Variants in PRKCH observed in about 807,000 individuals in gnomAD.
PRKCH encodes protein kinase C eta.
A neutral mutation model predicts 82.5 loss-of-function variants in PRKCH; 28 were observed. That is an observed-to-expected ratio of 0.34 (90% CI 0.25 to 0.47). The LOEUF is 0.47. Among genes scored for constraint, PRKCH ranks in the 20% least tolerant of loss-of-function variants. The pLI, the probability that PRKCH is intolerant of heterozygous loss-of-function variation, is 1.00. For missense variants in PRKCH, 705 were observed against 881.8 expected, an observed-to-expected ratio of 0.80 and a Z score of 2.54; for synonymous variants, 322 against 327.4, an observed-to-expected ratio of 0.98 and a Z score of 0.18.
chr14:61,485,860 C>T (rs1886196422), intron 10 of PRKCH, among the ~76,000 whole-genome samples: 1 of 152,232 alleles, frequency 6.6e-6, no homozygotes, highest in Non-Finnish European at 1.5e-5. Context: ...TGGCTCACTG[C>T]AGCCGGTCCA....
Position 61,191,126 on chromosome 14 carries a change from A to G in PRKCH, c.-19+3458A>G, listed in dbSNP as rs549132561. Among the ~76,000 whole-genome samples, 105 of 152,358 alleles carry G rather than the reference A, an allele frequency of 6.9e-4. No homozygotes were observed. The South Asian group carries it at 7.3e-3, about 11-fold the overall frequency. On this transcript the variant is annotated intron_variant, in intron 1 of 3. Transcript: ENST00000555185. ...GCCTGTGGTCAGGACTTGGGTGAAT[A>G]TAATTCTGCACAAAAGAGAGAAAAT...
At chr14:61,252,089 C>T (rs1377879453) in intron 1 of PRKCH, among the ~76,000 whole-genome samples, 4 of 152,184 alleles carry the variant, frequency 2.6e-5, no homozygotes, top group Non-Finnish European at 5.9e-5. Context: ...CTGCCTGCCT[C>T]AGCCTCCCAA....
intron 1 of PRKCH, among the ~76,000 whole-genome samples, chr14:61,351,726 A>G (rs2046077595): frequency 6.6e-6 from 1 of 152,154 alleles, no homozygotes; most frequent in Non-Finnish European, 1.5e-5. Flanking sequence ...CAAAAAGACA[A>G]GATTAGTCAG....
intron 1 of PRKCH, among the ~76,000 whole-genome samples, chr14:61,326,171 T>C (rs546862105): frequency 1.3e-5 from 2 of 152,334 alleles, no homozygotes; most frequent in East Asian, 3.9e-4. Flanking sequence ...TTATTTGTAA[T>C]AACCCCCAAA....
intron 1 of PRKCH, among the ~76,000 whole-genome samples, chr14:61,329,757 C>G (rs1051527402): frequency 6.6e-6 from 1 of 152,166 alleles, no homozygotes; most frequent in Non-Finnish European, 1.5e-5. Flanking sequence ...TGGGTTTGGT[C>G]CTCCTCCTAG....
chr14:61,231,918 C>T (rs2044748078), intron 1 of PRKCH, among the ~76,000 whole-genome samples: 1 of 152,184 alleles, frequency 6.6e-6, no homozygotes, highest in African/African-American at 2.4e-5. Flanking sequence ...TTTCCCCACA[C>T]ACCAAGCAAG....
chr14:61,249,133 A>G (rs2044916402), intron 1 of PRKCH, among the ~76,000 whole-genome samples: 1 of 152,270 alleles, frequency 6.6e-6, no homozygotes, highest in South Asian at 2.1e-4. Context: ...ACAACAAGCA[A>G]CTGGAAACCC....
chr14:61,297,052 TTTATTA>T (rs141807773), intron 1 of PRKCH, among the ~76,000 whole-genome samples: 6,492 of 152,248 alleles, frequency 0.043, 214 homozygotes, highest in East Asian at 0.13. Flanking sequence ...ATTTTACTAT[TTTATTA>T]TTATTTCAGT....
chr14:61,293,858 CT>C (rs2045384240), intron 1 of PRKCH, among the ~76,000 whole-genome samples: 1 of 152,158 alleles, frequency 6.6e-6, no homozygotes. Context: ...GCCCCAGAAT[CT>C]GTCTATTAAC....
intron 12 of PRKCH, among the ~76,000 whole-genome samples, chr14:61,536,748 A>G (rs2043115019): frequency 6.6e-6 from 1 of 152,098 alleles, no homozygotes; most frequent in Admixed American, 6.6e-5. Flanking sequence ...TGTACTGTCC[A>G]GCATTCCTCT....
intron 1 of PRKCH, among the ~76,000 whole-genome samples, chr14:61,335,909 T>C (rs1364914940): frequency 6.6e-6 from 1 of 152,242 alleles, no homozygotes; most frequent in Admixed American, 6.5e-5. Flanking sequence ...CAGTGCATCA[T>C]AGTGTGATGG....
Position 61,280,472 on chromosome 14 carries a change from G to A in PRKCH, c.-19+92804G>A. On this transcript the variant is annotated intron_variant, in intron 1 of 3. Coordinates refer to the PRKCH transcript ENST00000555185. The surrounding 1 kb of genome is among the most constrained non-coding windows in gnomAD (Gnocchi z 5.0). Reference sequence around the variant, plus strand: ...TAGACTGGCCGGCGCCAGTTGGGCGGGGGCGCCGTGCCCTGGAAGGCCAAC... The same window carrying A: ...TAGACTGGCCGGCGCCAGTTGGGCGAGGGCGCCGTGCCCTGGAAGGCCAAC... 1.2e-6 allele frequency: 2 copies of A among 1,613,360 alleles called. No individual in the cohort carries two copies. The highest frequency in any genetic ancestry group is 1.7e-6 in the Non-Finnish European group (2 of 1,179,702).
At chr14:61,411,680 G>A (rs1882276482) in intron 2 of PRKCH, among the ~76,000 whole-genome samples, 1 of 152,152 alleles carries the variant, frequency 6.6e-6, no homozygotes, top group African/African-American at 2.4e-5. Flanking sequence ...GACTCCCTGA[G>A]TTGAGGATTG....
intron 13 of PRKCH, 90 bp from the exon 14 acceptor site, chr14:61,549,594 CT>C: frequency 2.1e-6 from 3 of 1,420,836 alleles, no homozygotes; most frequent in Non-Finnish European, 2.9e-6. Context: ...GAGCACTCCT[CT>C]GAACTCACTG....
chr14:61,346,339 C>T (rs2045991845), intron 1 of PRKCH, among the ~76,000 whole-genome samples: 1 of 152,152 alleles, frequency 6.6e-6, no homozygotes, highest in African/African-American at 2.4e-5. Context: ...CCTCTTTACT[C>T]CTAACAGTGA....
chr14:61,248,744 G>T (rs1445955614), intron 1 of PRKCH, among the ~76,000 whole-genome samples: 1 of 150,128 alleles, frequency 6.7e-6, no homozygotes, highest in East Asian at 2.0e-4. Context: ...CTAATTCAAT[G>T]GTTTTATGTA....
chr14:61,321,397 G>T (rs989326956), upstream of PRKCH, among the ~76,000 whole-genome samples: 1 of 152,216 alleles, frequency 6.6e-6, no homozygotes, highest in Non-Finnish European at 1.5e-5. The surrounding 1 kb of genome is among the most constrained non-coding windows in gnomAD (Gnocchi z 4.1). Context: ...TGCGCCCGGG[G>T]TGGCCCCTAA....
intron 9 of PRKCH, among the ~76,000 whole-genome samples, chr14:61,466,820 C>T (rs986627813): frequency 1.3e-5 from 2 of 152,188 alleles, no homozygotes; most frequent in African/African-American, 2.4e-5. Flanking sequence ...GCTGGGGCGT[C>T]TTTACGATGT....
In PRKCH at chr14:61,379,777, G is replaced by C. The variant is rs146178823; in HGVS notation, c.364-11448G>C. ...GGAGTATATTCCCCATCTCCAGCCA[G>C]GGTCACACCTGTCACTTCTGTTTAG... is the stretch of plus-strand genomic sequence containing the variant. On this transcript the variant is annotated intron_variant, in intron 1 of 13. Coordinates refer to ENST00000332981, the MANE Select transcript of PRKCH (RefSeq NM_006255.5). Among the ~76,000 whole-genome samples, 118 of 152,328 alleles carry C rather than the reference G, an allele frequency of 7.7e-4. 1 individual carries two copies. In the East Asian group the frequency reaches 0.022, roughly 28 times the overall value.
Sources: gnomAD v4.1 joint callset for allele counts (sites outside exome capture counted in the v4.1 genomes callset) on GRCh38, gnomAD v4.1.1 for gene constraint, Gnocchi (gnomAD v3.1) non-coding constraint, MANE v1.5 for transcripts, NCBI Gene and HGNC (gene_info 2026-07-23, HGNC 2026-07-21) for gene names.